Variants in MYO1D observed in about 807,000 individuals in gnomAD.
The protein encoded by MYO1D is myosin ID.
A neutral mutation model predicts 122.0 loss-of-function variants in MYO1D; 83 were observed. The observed-to-expected ratio is 0.68, with a 90% CI of 0.57 to 0.82. MYO1D has a LOEUF of 0.82. Ranked by LOEUF, MYO1D falls within the 40% of genes least tolerant of loss-of-function variation. MYO1D has a pLI of 0.00. For missense variants in MYO1D, 1,157 were observed against 1,269.5 expected (o/e 0.91, Z 1.35); for synonymous variants, 464 against 446.9 (o/e 1.04, Z -0.48).
intron 20 of MYO1D, among the ~76,000 whole-genome samples, chr17:32,612,780 T>G (rs1054205942): frequency 1.3e-5 from 2 of 152,176 alleles, no homozygotes; most frequent in African/African-American, 4.8e-5. Context: ...ATGCATATTT[T>G]TTTTTAAAGA....
At chr17:32,866,375 C>G (rs1475099093) in intron 1 of MYO1D, among the ~76,000 whole-genome samples, 5 of 152,150 alleles carry the variant, frequency 3.3e-5, no homozygotes, top group Admixed American at 2.0e-4. Context: ...GTACCCTCCC[C>G]TCTCTGTCAT....
chr17:32,822,500 C>CG, intron 1 of MYO1D, among the ~76,000 whole-genome samples: 1 of 141,274 alleles, frequency 7.1e-6, no homozygotes, highest in African/African-American at 3.1e-5. Context: ...CCCCGGTCGG[C>CG]GCGCCGCTTC....
At chr17:32,771,638 T>C (rs1175935560) in intron 5 of MYO1D, among the ~76,000 whole-genome samples, 1 of 152,198 alleles carries the variant, frequency 6.6e-6, no homozygotes, top group Non-Finnish European at 1.5e-5. Context: ...CAGCAGACAG[T>C]CATATGCTGA....
intron 21 of MYO1D, among the ~76,000 whole-genome samples, chr17:32,541,315 A>AG (rs1245748989): frequency 1.3e-5 from 2 of 152,222 alleles, no homozygotes; most frequent in Non-Finnish European, 2.9e-5. Flanking sequence ...TTACGCCAAG[A>AG]GGAAGAAGCT....
chr17:32,605,397 C>A (rs976594578), intron 20 of MYO1D, among the ~76,000 whole-genome samples, 156 bp from the exon 21 acceptor site: 22 of 152,078 alleles, frequency 1.4e-4, no homozygotes, highest in Non-Finnish European at 1.2e-4. Flanking sequence ...GAGTTTGAAT[C>A]CAGCCTGGAC....
Position 32,767,677 on chromosome 17 carries a change from T to G in MYO1D, c.790A>C (p.Ile264Leu). ...GCCAAAATCTTATACACTGTTTGGA[T>G]CTCCTCAGGTTTGAAGCCAATGACT... is the stretch of plus-strand genomic sequence containing the variant. ...MKVIGFKPEE[I>L]QTVYKILAAI... Residue 264 changes from isoleucine to leucine, a missense_variant, in exon 7 of 22, where the codon ATC (isoleucine) becomes CTC (leucine). Ile to Leu is a conservative substitution (Grantham distance 5). Transcript: ENST00000318217. 2 of 1,613,784 alleles carry G rather than the reference T, an allele frequency of 1.2e-6. No homozygotes were observed. Among genetic ancestry groups the G allele is most frequent in the Non-Finnish European group, 1.7e-6 (2 of 1,179,844 alleles).
At chr17:32,648,570 C>T (rs1234166989) in intron 19 of MYO1D, among the ~76,000 whole-genome samples, 3 of 152,182 alleles carry the variant, frequency 2.0e-5, no homozygotes, top group East Asian at 3.9e-4. Context: ...TCAGCCCCAC[C>T]CCTTAACCTT....
intron 20 of MYO1D, among the ~76,000 whole-genome samples, chr17:32,626,454 T>C (rs1006010366): frequency 6.6e-6 from 1 of 152,242 alleles, no homozygotes; most frequent in Non-Finnish European, 1.5e-5. Flanking sequence ...ATTGTGTTTC[T>C]TTAACAACGT....
intron 16 of MYO1D, among the ~76,000 whole-genome samples, chr17:32,695,475 T>C (rs745910023): frequency 1.1e-4 from 17 of 152,210 alleles, no homozygotes; most frequent in Non-Finnish European, 2.4e-4. Context: ...TTCCTTGTCT[T>C]ATTGACTTCT....
rs143227788 is a variant in MYO1D, at chr17:32,536,133, A to G, written c.2865-41218T>C. On this transcript the variant is annotated intron_variant, in intron 21 of 21. Coordinates refer to ENST00000318217, the MANE Select transcript of MYO1D (RefSeq NM_015194.3). ...CTGCAACCTCCGCCTCCTGGGTTCAAGAGATTCTCCTGCCTCAGCCTCCCG... is the reference window on the plus strand; with the variant it reads ...CTGCAACCTCCGCCTCCTGGGTTCAGGAGATTCTCCTGCCTCAGCCTCCCG... 1.4e-3 allele frequency among the ~76,000 whole-genome samples: 209 copies of G among 152,208 alleles called. 1 individual carries two copies. The highest frequency in any genetic ancestry group is 4.8e-3 in the African/African-American group (201 of 41,540).
In MYO1D at chr17:32,563,204, C is replaced by CTTTTTTTTTTTTTTTTTTTTTT. The variant is rs749819200; in HGVS notation, c.2864+41882_2864+41883insAAAAAAAAAAAAAAAAAAAAAA. Among the ~76,000 whole-genome samples the CTTTTTTTTTTTTTTTTTTTTTT allele has an allele frequency of 4.8e-5, 5 of 105,132 alleles. 2 individuals are homozygous for CTTTTTTTTTTTTTTTTTTTTTT. Among genetic ancestry groups the CTTTTTTTTTTTTTTTTTTTTTT allele is most frequent in the African/African-American group, 1.3e-4 (3 of 23,900 alleles). The allele number at this position is 105,132 out of a possible 152,430, so 69.0% of individuals were successfully genotyped here. On this transcript the variant is annotated intron_variant, in intron 21 of 21. Transcript: ENST00000318217. ...GCAATTACAGCTCTTTTTTTCTTCT[C>CTTTTTTTTTTTTTTTTTTTTTT]TCTTTTTTTTTTTTTTTTTTTTTGA...
intron 21 of MYO1D, among the ~76,000 whole-genome samples, chr17:32,533,942 A>T (rs964873334): frequency 1.3e-5 from 2 of 152,248 alleles, no homozygotes; most frequent in Non-Finnish European, 2.9e-5. Context: ...GACTGCATAA[A>T]GTTTTCTGTT....
intron 21 of MYO1D, among the ~76,000 whole-genome samples, chr17:32,569,889 G>A (rs904969924): frequency 6.6e-6 from 1 of 152,018 alleles, no homozygotes; most frequent in Middle Eastern, 3.2e-3. Context: ...GGTATCACAG[G>A]GCAAGTCACT....
At chr17:32,868,068 G>A (rs2091145276) in intron 1 of MYO1D, among the ~76,000 whole-genome samples, 1 of 152,070 alleles carries the variant, frequency 6.6e-6, no homozygotes. Flanking sequence ...TTTCCAAAGA[G>A]TCTAAAACGA....
chr17:32,552,903 GA>G (rs1484625662), intron 21 of MYO1D, among the ~76,000 whole-genome samples: 2 of 152,036 alleles, frequency 1.3e-5, no homozygotes, highest in East Asian at 3.9e-4. Flanking sequence ...ATGACAGCAT[GA>G]AAAACAGCAT....
chr17:32,857,163 A>G (rs559877027), intron 1 of MYO1D, among the ~76,000 whole-genome samples: 1 of 152,282 alleles, frequency 6.6e-6, no homozygotes, highest in African/African-American at 2.4e-5. Flanking sequence ...AATGAATGAA[A>G]ACCACCTAAC....
chr17:32,495,737 C>T (rs1166041237), intron 21 of MYO1D: 1 of 152,354 alleles, frequency 6.6e-6, no homozygotes, highest in Non-Finnish European at 1.5e-5. Context: ...TGTTTGCTCA[C>T]ACAGGCAGCA....
At chr17:32,830,554 G>A (rs2090762776) in intron 1 of MYO1D, among the ~76,000 whole-genome samples, 1 of 152,128 alleles carries the variant, frequency 6.6e-6, no homozygotes. Context: ...TAAAAACACA[G>A]TAAATGAAAG....
At chr17:32,780,472 C>G (rs1034804561) in intron 2 of MYO1D, 104 bp downstream of exon 2, 13 of 1,190,638 alleles carry the variant, frequency 1.1e-5, no homozygotes, top group Non-Finnish European at 1.6e-5. Context: ...ATTGCTCAGG[C>G]TTCTACCTTT....
Sources: allele counts gnomAD v4.1 joint callset (sites outside exome capture counted in the v4.1 genomes callset), GRCh38; gene constraint gnomAD v4.1.1; transcripts MANE v1.5; gene names NCBI Gene and HGNC (gene_info 2026-07-23, HGNC 2026-07-21).